PPP3CC: variants seen among roughly 807,000 people sequenced by gnomAD.
PPP3CC encodes serine/threonine-protein phosphatase 2B catalytic subunit gamma isoform.
A neutral mutation model predicts 60.3 loss-of-function variants in PPP3CC; 35 were observed. The observed-to-expected ratio is 0.58, with a 90% CI of 0.44 to 0.77. The LOEUF is 0.77. Among genes scored for constraint, PPP3CC ranks in the 30% least tolerant of loss-of-function variants. The probability of loss-of-function intolerance (pLI) is 0.00; values close to 1 mark genes in which losing one functional copy is unlikely to be tolerated. For missense variants in PPP3CC, 570 were observed against 628.9 expected, an observed-to-expected ratio of 0.91 and a Z score of 1.00; for synonymous variants, 206 against 224.3, an observed-to-expected ratio of 0.92 and a Z score of 0.73.
chr8:22,516,350 T>A (rs898351547), intron 6 of PPP3CC, among the ~76,000 whole-genome samples: 1 of 152,258 alleles, frequency 6.6e-6, no homozygotes, highest in African/African-American at 2.4e-5. Flanking sequence ...TACATATTCA[T>A]TGTTGTCAGA....
chr8:22,523,236 G>A (rs1260936187), intron 8 of PPP3CC, among the ~76,000 whole-genome samples: 1 of 151,880 alleles, frequency 6.6e-6, no homozygotes, highest in Non-Finnish European at 1.5e-5. Flanking sequence ...TGCCAGAAAC[G>A]AATACTGTGA....
chr8:22,521,834 G>A (rs1839412008), intron 6 of PPP3CC, among the ~76,000 whole-genome samples: 1 of 151,734 alleles, frequency 6.6e-6, no homozygotes, highest in Admixed American at 6.6e-5. Flanking sequence ...TGAGAATATT[G>A]TATCTTTTTT....
intron 8 of PPP3CC, among the ~76,000 whole-genome samples, chr8:22,524,326 C>T (rs2461480): frequency 0.42 from 63,321 of 151,880 alleles, 13,619 homozygotes; most frequent in East Asian, 0.55. Context: ...AAAAGTAAAC[C>T]ATGGAATGGC....
chr8:22,443,786 C>CT (rs34696523), intron 1 of PPP3CC, among the ~76,000 whole-genome samples: 1 of 152,100 alleles, frequency 6.6e-6, no homozygotes, highest in African/African-American at 2.4e-5. Flanking sequence ...ACTTATGGTG[C>CT]TTTTTTCAGG....
intron 5 of PPP3CC, among the ~76,000 whole-genome samples, chr8:22,512,674 A>G (rs938960086): frequency 6.6e-6 from 1 of 152,224 alleles, no homozygotes; most frequent in African/African-American, 2.4e-5. Flanking sequence ...AAAATAGTAT[A>G]TCTCTATAGT....
chr8:22,511,915 T>C (rs1350829794), intron 5 of PPP3CC, among the ~76,000 whole-genome samples: 2 of 152,314 alleles, frequency 1.3e-5, no homozygotes, highest in East Asian at 3.9e-4. Context: ...AATGAGGAAG[T>C]TGGAAGGGAT....
chr8:22,540,224 TG>T (rs1839930203), intron 13 of PPP3CC, among the ~76,000 whole-genome samples: 1 of 152,194 alleles, frequency 6.6e-6, no homozygotes, highest in Admixed American at 6.5e-5. Flanking sequence ...GCAACTACCC[TG>T]GGTTTAACTT....
At chr8:22,496,556 G>A (rs759202242) in intron 3 of PPP3CC, among the ~76,000 whole-genome samples, 2 of 131,490 alleles carry the variant, frequency 1.5e-5, no homozygotes, top group East Asian at 2.4e-4. Flanking sequence ...GGAGTGCAGC[G>A]GTATGATCTT....
chr8:22,481,299 C>T (rs1221940473), intron 3 of PPP3CC, among the ~76,000 whole-genome samples: 2 of 151,562 alleles, frequency 1.3e-5, no homozygotes, highest in East Asian at 1.9e-4. Flanking sequence ...CGCGCCACTG[C>T]ACTGCAGCCT....
intron 4 of PPP3CC, among the ~76,000 whole-genome samples, chr8:22,501,690 G>GA (rs1215226212): frequency 6.6e-6 from 1 of 152,008 alleles, no homozygotes; most frequent in Non-Finnish European, 1.5e-5. Flanking sequence ...CAGCTAGCTG[G>GA]AAAAAAACCC....
At position 22,475,754 on chromosome 8, in the gene PPP3CC, A is replaced by G. The variant is rs2132469109; in HGVS notation, c.372+130A>G. The G allele has an allele frequency of 8.5e-6, 8 of 943,130 alleles. No homozygotes were observed. In the East Asian group the frequency reaches 2.0e-4, roughly 24 times the overall value. 58.4% of individuals were successfully genotyped at this position (943,130 alleles called of 1,614,324 possible). A position where few individuals can be genotyped will look rare whatever the true frequency, so the allele number is the denominator to read the frequency against. Reference sequence around the variant, plus strand: ...ATAAACTTTGTTACTTTCAAAATTAAAGTAGTAGAAATGTTTTAATTGATA... The same window carrying G: ...ATAAACTTTGTTACTTTCAAAATTAGAGTAGTAGAAATGTTTTAATTGATA... On this transcript the variant is annotated intron_variant, in intron 3 of 13. Transcript: ENST00000240139.
chr8:22,488,841 G>T (rs1838298879), intron 3 of PPP3CC, among the ~76,000 whole-genome samples: 1 of 152,188 alleles, frequency 6.6e-6, no homozygotes, highest in Admixed American at 6.5e-5. Context: ...GGCACAACCA[G>T]TGTAAAAGCT....
chr8:22,527,850 G>A (rs1174371349), intron 9 of PPP3CC, among the ~76,000 whole-genome samples: 2 of 152,114 alleles, frequency 1.3e-5, no homozygotes, highest in African/African-American at 4.8e-5. Flanking sequence ...GGCCAGGCTG[G>A]TCTCAAACTC....
chr8:22,512,628 C>T (rs1319814924), intron 5 of PPP3CC, among the ~76,000 whole-genome samples: 1 of 152,152 alleles, frequency 6.6e-6, no homozygotes, highest in Admixed American at 6.5e-5. Context: ...CTCACCTAGA[C>T]AAATAAAATT....
chr8:22,452,350 C>T (rs1354926258), intron 1 of PPP3CC, among the ~76,000 whole-genome samples: 2 of 152,180 alleles, frequency 1.3e-5, no homozygotes, highest in East Asian at 3.9e-4. Context: ...AGAATCTTGT[C>T]CCTCAGCTTG....
intron 6 of PPP3CC, among the ~76,000 whole-genome samples, chr8:22,514,956 G>T (rs937711498): frequency 6.6e-6 from 1 of 151,928 alleles, no homozygotes; most frequent in Non-Finnish European, 1.5e-5. Context: ...GGGATTACAG[G>T]CATGAGCCAC....
chr8:22,497,801 G>A (rs547336599), intron 3 of PPP3CC, among the ~76,000 whole-genome samples, 200 bp from the exon 4 acceptor site: 52 of 152,290 alleles, frequency 3.4e-4, no homozygotes, highest in African/African-American at 1.2e-3. Context: ...TAGAACATGG[G>A]AACAGAGATT....
At chr8:22,465,783 C>G (rs1416959153) in intron 1 of PPP3CC, among the ~76,000 whole-genome samples, 1 of 152,108 alleles carries the variant, frequency 6.6e-6, no homozygotes, top group Non-Finnish European at 1.5e-5. Flanking sequence ...AGTGAGATTA[C>G]AGAAGAGTAT....
chr8:22,441,539 TG>T, intron 1 of PPP3CC, 81 bp downstream of exon 1: 4 of 1,416,486 alleles, frequency 2.8e-6, no homozygotes, highest in Admixed American at 2.5e-5. Flanking sequence ...GGAGGGAGGC[TG>T]GGGCCGGGCT....
Sources: allele counts gnomAD v4.1 joint callset (sites outside exome capture counted in the v4.1 genomes callset), GRCh38; gene constraint gnomAD v4.1.1; transcripts MANE v1.5; gene names NCBI Gene and HGNC (gene_info 2026-07-23, HGNC 2026-07-21).